Variants in BPIFB4 observed in about 807,000 individuals in gnomAD.
BPIFB4 encodes BPI fold-containing family B member 4.
A neutral mutation model predicts 69.2 loss-of-function variants in BPIFB4; 62 were observed. The observed-to-expected ratio is 0.90, with a 90% CI of 0.73 to 1.11. The LOEUF is 1.11. Among genes scored for constraint, BPIFB4 ranks in the 50% least tolerant of loss-of-function variants. The pLI, the probability that BPIFB4 is intolerant of heterozygous loss-of-function variation, is 0.00. For synonymous variants in BPIFB4, 330 were observed against 332.7 expected (o/e 0.99, Z 0.09); for missense variants, 789 against 792.0 (o/e 1.00, Z 0.04).
chr20:33,086,546 G>A (rs545733865), intron 7 of BPIFB4, among the ~76,000 whole-genome samples: 1 of 152,290 alleles, frequency 6.6e-6, no homozygotes, highest in Admixed American at 6.5e-5. Context: ...TGCCCTCTCT[G>A]AGCTCCAGTT....
intron 8 of BPIFB4, 104 bp from the exon 9 acceptor site, chr20:33,089,394 C>A: frequency 6.4e-7 from 1 of 1,559,786 alleles, no homozygotes; most frequent in Non-Finnish European, 8.8e-7. Flanking sequence ...TGGCACAGAG[C>A]AAGCAGTCAG....
At chr20:33,096,110 C>T (rs1981746049) in intron 12 of BPIFB4, among the ~76,000 whole-genome samples, 1 of 152,154 alleles carries the variant, frequency 6.6e-6, no homozygotes, top group South Asian at 2.1e-4. Flanking sequence ...CACTATTGCC[C>T]TCATGTGGCT....
At chr20:33,085,790 C>A (rs895961970) in intron 6 of BPIFB4, among the ~76,000 whole-genome samples, 1 of 152,216 alleles carries the variant, frequency 6.6e-6, no homozygotes, top group Non-Finnish European at 1.5e-5. Flanking sequence ...CCTTGGAAAC[C>A]AGAATGTGTG....
At chr20:33,088,644 G>A (rs1166467306) in intron 7 of BPIFB4, among the ~76,000 whole-genome samples, 1 of 152,216 alleles carries the variant, frequency 6.6e-6, no homozygotes, top group East Asian at 1.9e-4. Flanking sequence ...CCATTTGAGG[G>A]TCAGATCAGC....
chr20:33,092,462 T>C lies in BPIFB4; in HGVS notation c.1148T>C (p.Leu383Pro). The change falls in exon 11 of 18, where the codon CTG becomes CCG. Residue 383 changes from leucine to proline, a missense_variant. Transcript: ENST00000375483. ...CTTTCTTCTCTTCTCCCCCAGACGC[T>C]GGTTGGGGAGGCTGGAGGAGGACTC... ...GEFLELDLNTLVGEAGGGLID... is the reference protein window; with the variant it reads ...GEFLELDLNTPVGEAGGGLID... The C allele has an allele frequency of 6.2e-7, 1 of 1,612,530 alleles. No homozygotes were observed. Among genetic ancestry groups the C allele is most frequent in the Non-Finnish European group, 8.5e-7 (1 of 1,178,838 alleles).
chr20:33,104,766 A>G (rs1323299278), intron 15 of BPIFB4, 44 bp from the exon 16 acceptor site: 1 of 1,596,430 alleles, frequency 6.3e-7, no homozygotes, highest in Admixed American at 1.7e-5. Flanking sequence ...TCTGGAGCTG[A>G]GCAAACCCCC....
At chr20:33,100,036 G>C (rs908447949) in intron 13 of BPIFB4, among the ~76,000 whole-genome samples, 1 of 151,982 alleles carries the variant, frequency 6.6e-6, no homozygotes, top group Non-Finnish European at 1.5e-5. Context: ...GAGTTTCATA[G>C]GCTACGAGCC....
At chr20:33,096,255 GA>G (rs1279389407) in intron 12 of BPIFB4, among the ~76,000 whole-genome samples, 2 of 152,158 alleles carry the variant, frequency 1.3e-5, no homozygotes, top group African/African-American at 4.8e-5. Flanking sequence ...TACAGCTTAT[GA>G]AATTGTTTTT....
Position 33,100,454 on chromosome 20 carries a change from C to T in BPIFB4, c.1598C>T (p.Thr533Ile), listed in dbSNP as rs11696307. Reference sequence around the variant, plus strand: ...ACAGAATTCTTGGCCTCATTTTCCACAGAAGGAGATAAGCTCATGATTGAT... The same window carrying T: ...ACAGAATTCTTGGCCTCATTTTCCATAGAAGGAGATAAGCTCATGATTGAT... ...VDTEFLASFS[T>I]EGDKLMIDAK... Residue 533 changes from threonine to isoleucine, a missense_variant, in exon 14 of 18, where the codon ACA (threonine) becomes ATA (isoleucine). Transcript: ENST00000375483. The T allele has an allele frequency of 0.58, 928,384 of 1,595,730 alleles. 276,381 individuals carry two copies. Among genetic ancestry groups the T allele is most frequent in the Middle Eastern group, 0.68 (4,052 of 6,000 alleles).
intron 7 of BPIFB4, among the ~76,000 whole-genome samples, chr20:33,087,410 C>T (rs1981461790): frequency 6.6e-6 from 1 of 152,200 alleles, no homozygotes; most frequent in Admixed American, 6.5e-5. Context: ...TACTGTTTTG[C>T]ACTTTGCTTT....
At chr20:33,085,977 C>G in intron 6 of BPIFB4, 44 bp from the exon 7 acceptor site, 1 of 1,579,644 alleles carries the variant, frequency 6.3e-7, no homozygotes, top group Non-Finnish European at 8.7e-7. Context: ...CTCCTGGCGG[C>G]TGGGGGTGAC....
At chr20:33,101,856 T>TAAGC (rs573982149) in intron 14 of BPIFB4, among the ~76,000 whole-genome samples, 226 of 152,380 alleles carry the variant, frequency 1.5e-3, no homozygotes, top group Non-Finnish European at 2.4e-3. Flanking sequence ...TTCCTTTAAT[T>TAAGC]CTTGATATAA....
chr20:33,092,772 C>A, intron 11 of BPIFB4, 114 bp downstream of exon 11: 1 of 1,006,814 alleles, frequency 9.9e-7, no homozygotes, highest in Non-Finnish European at 1.5e-6. Flanking sequence ...TGCAGATGGT[C>A]CACCCCTTGA....
intron 3 of BPIFB4, 99 bp from the exon 4 acceptor site, chr20:33,082,839 T>G: frequency 7.5e-6 from 9 of 1,200,056 alleles, no homozygotes; most frequent in Non-Finnish European, 1.1e-5. Flanking sequence ...GTGGGAAAAG[T>G]GAGGCCCAGG....
At chr20:33,106,802 G>A (rs1054852647) in intron 16 of BPIFB4, among the ~76,000 whole-genome samples, 15 of 152,188 alleles carry the variant, frequency 9.9e-5, no homozygotes, top group African/African-American at 3.4e-4. Context: ...TGCAGAGGAG[G>A]TAACATCTGA....
chr20:33,101,132 C>G (rs1981897385), intron 14 of BPIFB4, among the ~76,000 whole-genome samples: 1 of 152,184 alleles, frequency 6.6e-6, no homozygotes, highest in South Asian at 2.1e-4. Flanking sequence ...GCTCTATGTA[C>G]TTGAAGTGTA....
chr20:33,107,533 G>A (rs1461230329), intron 16 of BPIFB4, among the ~76,000 whole-genome samples: 1 of 152,212 alleles, frequency 6.6e-6, no homozygotes, highest in East Asian at 1.9e-4. Context: ...CTACTTGGGA[G>A]GCTGAGGCAG....
chr20:33,104,622 A>C (rs1981992727), intron 15 of BPIFB4, 188 bp from the exon 16 acceptor site: 1 of 567,164 alleles, frequency 1.8e-6, no homozygotes, highest in Admixed American at 3.3e-5. Context: ...ACAATGTGCA[A>C]GTTGATGGGG....
At chr20:33,083,224 C>T (rs1419682292) in intron 4 of BPIFB4, 143 bp from the exon 5 acceptor site, 3 of 615,114 alleles carry the variant, frequency 4.9e-6, no homozygotes, top group Admixed American at 3.5e-5. Flanking sequence ...TGCTGGGTGG[C>T]AGTGGTGGGG....
Sources: allele counts gnomAD v4.1 joint callset (sites outside exome capture counted in the v4.1 genomes callset), GRCh38; gene constraint gnomAD v4.1.1; transcripts MANE v1.5; gene names NCBI Gene and HGNC (gene_info 2026-07-23, HGNC 2026-07-21).